The following STK3 variants were observed in gnomAD, a reference collection of about 807,000 sequenced individuals.
The protein encoded by STK3 is serine/threonine-protein kinase 3.
Under a neutral mutation model 58.0 loss-of-function variants are expected in STK3, and 41 were observed. That is an observed-to-expected ratio of 0.71 (90% CI 0.55 to 0.92). STK3 has a LOEUF of 0.92. STK3 is among the 40% of genes least tolerant of loss of function. The pLI, the probability that STK3 is intolerant of heterozygous loss-of-function variation, is 0.00. For synonymous variants in STK3, 170 were observed against 191.0 expected, an observed-to-expected ratio of 0.89 and a Z score of 0.91; for missense variants, 479 against 602.7, an observed-to-expected ratio of 0.79 and a Z score of 2.15.
At chr8:98,420,945 T>C (rs1420529300) in intron 3 of STK3, among the ~76,000 whole-genome samples, 1 of 152,210 alleles carries the variant, frequency 6.6e-6, no homozygotes, top group African/African-American at 2.4e-5. Context: ...AAATGAGGCA[T>C]AGAGAGAGTA....
chr8:98,592,769 ATT>A (rs1332197497), intron 7 of STK3, among the ~76,000 whole-genome samples: 6 of 148,898 alleles, frequency 4.0e-5, no homozygotes, highest in South Asian at 4.2e-4. Context: ...TTATTTATTT[ATT>A]TATTTATTTT....
chr8:98,715,635 A>T (rs941565557), intron 4 of STK3, among the ~76,000 whole-genome samples: 1 of 152,046 alleles, frequency 6.6e-6, no homozygotes, highest in Non-Finnish European at 1.5e-5. Flanking sequence ...GGAAACAACA[A>T]GCGCTGGAGA....
At chr8:98,725,644 C>A (rs1827745678) in intron 4 of STK3, among the ~76,000 whole-genome samples, 1 of 152,040 alleles carries the variant, frequency 6.6e-6, no homozygotes, top group African/African-American at 2.4e-5. Flanking sequence ...ACACAATGAT[C>A]TTTTCATATG....
chr8:98,442,647 TATC>T (rs1292773563), intron 1 of STK3, among the ~76,000 whole-genome samples: 1 of 152,248 alleles, frequency 6.6e-6, no homozygotes, highest in Non-Finnish European at 1.5e-5. Context: ...TTACGAATAA[TATC>T]ATTTCCACTA....
chr8:98,588,682 C>A (rs1412167647), intron 7 of STK3, among the ~76,000 whole-genome samples: 1 of 150,352 alleles, frequency 6.7e-6, no homozygotes, highest in Non-Finnish European at 1.5e-5. Context: ...GGATAATATC[C>A]TGCAGAGTGT....
intron 7 of STK3, 121 bp downstream of exon 7, chr8:98,595,911 G>C: frequency 9.1e-7 from 1 of 1,101,898 alleles, no homozygotes; most frequent in Non-Finnish European, 1.2e-6. Flanking sequence ...GAGCAAACAG[G>C]AGGGGAGGGG....
intron 10 of STK3, among the ~76,000 whole-genome samples, chr8:98,492,362 A>G (rs1822764143): frequency 6.6e-6 from 1 of 152,136 alleles, no homozygotes; most frequent in African/African-American, 2.4e-5. Context: ...TTAAGAAATG[A>G]TGTCTTTCTG....
In STK3 at chr8:98,904,366, G is replaced by A. The variant is rs72668435; in HGVS notation, c.-78-20532C>T. Among the ~76,000 whole-genome samples, 1,167 of 152,288 alleles carry A rather than the reference G, an allele frequency of 7.7e-3. 8 individuals carry two copies. The highest frequency in any genetic ancestry group is 0.03 in the South Asian group (144 of 4,822). ...CCTTACCTAGGGCTGTTCAGAGGCT[G>A]AGAATATAAGGAACAGAGTAAAAAA... On this transcript the variant is annotated intron_variant, in intron 1 of 1. Coordinates refer to the STK3 transcript ENST00000519420.
rs569042592 is a variant in STK3, at chr8:98,614,633, A to C, written c.685-18464T>G. ...TGCGCGAGCCGAAGCAGGGCGAGGC[A>C]TTGCCTCACCTGGGAAGCGCAAGGG... On this transcript the variant is annotated intron_variant, in intron 6 of 10. Coordinates refer to ENST00000419617, the MANE Select transcript of STK3 (RefSeq NM_006281.4). Among the ~76,000 whole-genome samples, 4 of 152,338 alleles carry C rather than the reference A, an allele frequency of 2.6e-5. No homozygotes were observed. The South Asian group carries it at 8.3e-4, about 32-fold the overall frequency.
chr8:98,679,166 C>T (rs1823443707), intron 6 of STK3, among the ~76,000 whole-genome samples: 1 of 152,208 alleles, frequency 6.6e-6, no homozygotes, highest in Non-Finnish European at 1.5e-5. Flanking sequence ...ACCCTTACCA[C>T]CTTTCTGGCT....
At chr8:98,859,729 A>G (rs989899456) in intron 3 of STK3, among the ~76,000 whole-genome samples, 1 of 152,240 alleles carries the variant, frequency 6.6e-6, no homozygotes, top group African/African-American at 2.4e-5. Context: ...ATCACACAGC[A>G]TGACCATGCT....
the STK3 span, among the ~76,000 whole-genome samples, chr8:98,348,058 A>T: frequency 1.2e-4 from 18 of 152,218 alleles, no homozygotes; most frequent in African/African-American, 4.1e-4. Flanking sequence ...GAGAGAATCG[A>T]CAAATAGAAC....
At chr8:98,796,242 T>A (rs902094190) in intron 1 of STK3, among the ~76,000 whole-genome samples, 1 of 152,272 alleles carries the variant, frequency 6.6e-6, no homozygotes, top group East Asian at 1.9e-4. Context: ...AACTTCAAAC[T>A]ATACTATAAG....
In STK3 at chr8:98,455,803, T is replaced by C. The variant is rs746922267; in HGVS notation, c.*39A>G. On this transcript the variant is annotated 3_prime_UTR_variant, in exon 11 of 11. Coordinates refer to ENST00000419617, the MANE Select transcript of STK3 (RefSeq NM_006281.4). ...ATTCCTTCAATTCCTAGTGGTTTCT[T>C]GGTCTCCAGAATAGTTAAAAACAGA... 9.3e-6 allele frequency: 15 copies of C among 1,607,226 alleles called. No homozygotes were observed. The Admixed American group carries it at 2.0e-4, about 22-fold the overall frequency.
the STK3 span, among the ~76,000 whole-genome samples, chr8:98,360,275 G>T: frequency 1.3e-5 from 2 of 152,050 alleles, no homozygotes; most frequent in Non-Finnish European, 1.5e-5. Context: ...TCTCTCCCAC[G>T]TTGCCCTGTG....
chr8:98,669,753 T>C (rs1822675510), intron 6 of STK3, among the ~76,000 whole-genome samples: 1 of 152,210 alleles, frequency 6.6e-6, no homozygotes, highest in African/African-American at 2.4e-5. Flanking sequence ...CTACAACACT[T>C]GTGTCAAACA....
chr8:98,422,271 C>G (rs1818182714), intron 3 of STK3, among the ~76,000 whole-genome samples: 1 of 152,168 alleles, frequency 6.6e-6, no homozygotes, highest in Non-Finnish European at 1.5e-5. Context: ...TGCAGCAAAA[C>G]TTCTAAAATC....
chr8:98,612,915 C>G (rs1817316077), intron 6 of STK3, among the ~76,000 whole-genome samples: 1 of 152,178 alleles, frequency 6.6e-6, no homozygotes, highest in Admixed American at 6.5e-5. Context: ...GGACAGCCCC[C>G]CCTAGCAGTG....
At position 98,749,332 on chromosome 8, in the gene STK3, T is replaced by A; in HGVS notation, c.295A>T (p.Met99Leu). 6.2e-7 allele frequency: 1 copy of A among 1,609,962 alleles called. No individual in the cohort carries two copies. The highest frequency in any genetic ancestry group is 1.7e-4 in the Middle Eastern group (1 of 6,042). ...YFKNTDLWIV[M>L]EYCGAGSVSD... ...ACAGAGCCAGCGCCACAGTACTCCA[T>A]AACAATCCAGAGGTCTGTATTCTTA... is the stretch of plus-strand genomic sequence containing the variant. The change falls in exon 4 of 11, where the codon ATG becomes TTG. Residue 99 changes from methionine to leucine, a missense_variant. Physicochemically the swap from Met to Leu is conservative, Grantham distance 15. Transcript: ENST00000419617.
Sources: allele counts gnomAD v4.1 joint callset (sites outside exome capture counted in the v4.1 genomes callset), GRCh38; gene constraint gnomAD v4.1.1; transcripts MANE v1.5; gene names NCBI Gene and HGNC (gene_info 2026-07-23, HGNC 2026-07-21).